MCPH1: variants seen among roughly 807,000 people sequenced by gnomAD.
MCPH1 encodes the protein microcephalin.
In MCPH1, 104 loss-of-function variants were observed where a neutral mutation model predicts 84.5. The ratio of observed to expected loss-of-function variants is 1.23; its 90% CI spans 1.05 to 1.45. The LOEUF (loss-of-function observed/expected upper bound fraction) is 1.45, where lower values mean the gene tolerates loss of function less well. Ranked by LOEUF, MCPH1 falls within the 40% of genes most tolerant of loss-of-function variation. The pLI, the probability that MCPH1 is intolerant of heterozygous loss-of-function variation, is 0.00. For synonymous variants in MCPH1, 514 were observed against 366.8 expected, an observed-to-expected ratio of 1.40 and a Z score of -4.58; for missense variants, 1,498 against 1,005.7, an observed-to-expected ratio of 1.49 and a Z score of -6.62.
intron 11 of MCPH1, among the ~76,000 whole-genome samples, chr8:6,499,076 A>C (rs1181565593): frequency 1.4e-5 from 1 of 71,554 alleles, no homozygotes; most frequent in Non-Finnish European, 4.6e-5. Flanking sequence ...TTAAATAAAT[A>C]AATAAATAAA....
At chr8:6,420,174 CA>C (rs1799962836) in intron 3 of MCPH1, among the ~76,000 whole-genome samples, 1 of 151,986 alleles carries the variant, frequency 6.6e-6, no homozygotes, top group Non-Finnish European at 1.5e-5. Context: ...CCACTCCCCC[CA>C]GAACTGATGT....
chr8:6,440,100 T>C (rs1803283451), intron 6 of MCPH1, among the ~76,000 whole-genome samples: 1 of 152,248 alleles, frequency 6.6e-6, no homozygotes, highest in Non-Finnish European at 1.5e-5. Context: ...TTAGTTGTTG[T>C]AGACCTATTT....
At chr8:6,409,664 C>T (rs567562742) in intron 2 of MCPH1, among the ~76,000 whole-genome samples, 1 of 145,046 alleles carries the variant, frequency 6.9e-6, no homozygotes, top group Admixed American at 7.2e-5. Context: ...GGAAAAGGAA[C>T]AGGTTTCTAA....
intron 12 of MCPH1, among the ~76,000 whole-genome samples, chr8:6,561,874 G>T (rs571949429): frequency 6.6e-6 from 1 of 152,314 alleles, no homozygotes; most frequent in South Asian, 2.1e-4. Context: ...GGGATCATCT[G>T]TGAAACAGTG....
chr8:6,617,944 T>TA (rs10667925), intron 12 of MCPH1, among the ~76,000 whole-genome samples: 17 of 151,950 alleles, frequency 1.1e-4, no homozygotes, highest in East Asian at 7.7e-4. Context: ...TCTATCTATC[T>TA]TTCTATCTAT....
At chr8:6,527,210 C>G (rs186273886) in intron 12 of MCPH1, among the ~76,000 whole-genome samples, 20 of 151,260 alleles carry the variant, frequency 1.3e-4, no homozygotes, top group African/African-American at 4.9e-4. Context: ...TGGAGGATTA[C>G]TCTAAGAGGA....
At chr8:6,612,764 G>A (rs1830397375) in intron 12 of MCPH1, among the ~76,000 whole-genome samples, 1 of 152,214 alleles carries the variant, frequency 6.6e-6, no homozygotes, top group Admixed American at 6.5e-5. Context: ...TCTCCCAGCT[G>A]GTGGTGCCTC....
chr8:6,525,360 G>A (rs1314660760), intron 12 of MCPH1, among the ~76,000 whole-genome samples: 1 of 152,156 alleles, frequency 6.6e-6, no homozygotes, highest in Non-Finnish European at 1.5e-5. Flanking sequence ...CATCCAAATA[G>A]GAGGGATTAC....
chr8:6,634,182 T>A (rs1325301169), intron 13 of MCPH1, among the ~76,000 whole-genome samples: 1 of 152,242 alleles, frequency 6.6e-6, no homozygotes, highest in Admixed American at 6.5e-5. Flanking sequence ...AGTGGTAGGC[T>A]GATCATGAAA....
intron 12 of MCPH1, chr8:6,501,930 T>A (rs1196847592): frequency 1.5e-5 from 1 of 67,592 alleles, no homozygotes. Flanking sequence ...TTTGAAACCC[T>A]TTTTTTTTTT....
At chr8:6,465,615 C>A (rs1158766762) in intron 9 of MCPH1, among the ~76,000 whole-genome samples, 1 of 152,104 alleles carries the variant, frequency 6.6e-6, no homozygotes, top group South Asian at 2.1e-4. Flanking sequence ...CTGGACGCAT[C>A]TTCTGGAACT....
At chr8:6,640,905 G>A (rs1356912222) in intron 13 of MCPH1, among the ~76,000 whole-genome samples, 3 of 152,098 alleles carry the variant, frequency 2.0e-5, no homozygotes, top group Non-Finnish European at 4.4e-5. Context: ...GACCTATATT[G>A]CCCCCTGTGA....
intron 13 of MCPH1, among the ~76,000 whole-genome samples, chr8:6,623,361 T>G (rs184610220): frequency 1.5e-3 from 230 of 152,166 alleles, no homozygotes; most frequent in African/African-American, 5.3e-3. Context: ...TCAATCTCTC[T>G]CTCTCTCTCC....
intron 12 of MCPH1, among the ~76,000 whole-genome samples, chr8:6,544,491 A>G (rs142327746): frequency 6.6e-6 from 1 of 152,298 alleles, no homozygotes; most frequent in East Asian, 1.9e-4. Context: ...GTTACGTCAA[A>G]CTGTTTTTTA....
At chr8:6,579,216 G>C (rs954202253) in intron 12 of MCPH1, among the ~76,000 whole-genome samples, 3 of 152,212 alleles carry the variant, frequency 2.0e-5, no homozygotes, top group Non-Finnish European at 4.4e-5. Flanking sequence ...GAGAGTAACT[G>C]GCAGGTTATT....
chr8:6,563,618 G>C (rs992677933), intron 12 of MCPH1, among the ~76,000 whole-genome samples: 1 of 152,118 alleles, frequency 6.6e-6, no homozygotes, highest in East Asian at 1.9e-4. Flanking sequence ...TTTTCCTTTA[G>C]GAATAAAAAT....
intron 9 of MCPH1, among the ~76,000 whole-genome samples, chr8:6,461,463 A>C (rs1221951497): frequency 6.7e-6 from 1 of 149,640 alleles, no homozygotes; most frequent in Non-Finnish European, 1.5e-5. Context: ...AGTAGCTGGG[A>C]TTATAGGTAC....
In MCPH1 at chr8:6,431,544, A is replaced by T. The variant is rs759764698; in HGVS notation, c.279A>T (p.Ala93=). The T allele has an allele frequency of 3.7e-6, 6 of 1,613,568 alleles. No homozygotes were observed. The Admixed American group carries it at 8.3e-5, about 22-fold the overall frequency. The change falls in exon 4 of 14, where the codon GCA becomes GCT. Residue 93 remains alanine, a synonymous_variant. Transcript: ENST00000344683. ...GAHIDESLFP[A]ANMNEHLSSL... is the part of the protein sequence containing the mutation. ...ACATTGATGAATCATTGTTCCCTGC[A>T]GCTAATATGAATGAACACTTATCAA...
intron 12 of MCPH1, among the ~76,000 whole-genome samples, chr8:6,516,227 A>G (rs554795915): frequency 6.4e-4 from 97 of 152,370 alleles, no homozygotes; most frequent in African/African-American, 2.3e-3. Context: ...CTGTATTGCT[A>G]TGATTTTTAT....
Sources: gnomAD v4.1 joint callset for allele counts (sites outside exome capture counted in the v4.1 genomes callset) on GRCh38, gnomAD v4.1.1 for gene constraint, MANE v1.5 for transcripts, NCBI Gene and HGNC (gene_info 2026-07-23, HGNC 2026-07-21) for gene names.